The following SLC7A5 variants were observed in gnomAD, a reference collection of about 807,000 sequenced individuals.
SLC7A5 encodes the protein solute carrier family 7 member 5, also known as large neutral amino acids transporter small subunit 1.
A neutral mutation model predicts 50.2 loss-of-function variants in SLC7A5; 23 were observed. The ratio of observed to expected loss-of-function variants is 0.46; its 90% CI spans 0.33 to 0.65. SLC7A5 has a LOEUF of 0.65. SLC7A5 is among the 30% of genes least tolerant of loss of function. The probability of loss-of-function intolerance (pLI) is 0.02; values close to 1 mark genes in which losing one functional copy is unlikely to be tolerated. For synonymous variants in SLC7A5, 393 were observed against 330.6 expected, an observed-to-expected ratio of 1.19 and a Z score of -2.05; for missense variants, 578 against 684.4, an observed-to-expected ratio of 0.84 and a Z score of 1.73.
At chr16:87,866,049 C>G (rs113342377) in intron 1 of SLC7A5, among the ~76,000 whole-genome samples, 15 of 151,752 alleles carry the variant, frequency 9.9e-5, no homozygotes, top group African/African-American at 3.6e-4. Context: ...ACCCTTTTCC[C>G]ATTTGCACAA....
At chr16:87,857,607 A>C (rs529473725) in intron 1 of SLC7A5, among the ~76,000 whole-genome samples, 1 of 152,290 alleles carries the variant, frequency 6.6e-6, no homozygotes, top group East Asian at 1.9e-4. Context: ...ATAATGGCTC[A>C]ATTTTGATGC....
intron 6 of SLC7A5, 82 bp from the exon 7 acceptor site, chr16:87,838,023 G>T: frequency 9.0e-7 from 1 of 1,113,950 alleles, no homozygotes. Context: ...CTGGGGAGTG[G>T]CAGGGCCTGT....
At chr16:87,863,656 A>G (rs1395404199) in intron 1 of SLC7A5, 3 of 151,998 alleles carry the variant, frequency 2.0e-5, no homozygotes, top group African/African-American at 7.2e-5. Flanking sequence ...TCCTACCCAG[A>G]CTGACAAGCA....
intron 2 of SLC7A5, among the ~76,000 whole-genome samples, chr16:87,842,437 G>C (rs2055093320): frequency 6.6e-6 from 1 of 152,224 alleles, no homozygotes; most frequent in Admixed American, 6.5e-5. Flanking sequence ...CCCGTGAAGG[G>C]AGGTTCCCAT....
At chr16:87,863,986 A>AAAAAAAATAT (rs376938738) in intron 1 of SLC7A5, among the ~76,000 whole-genome samples, 6 of 83,276 alleles carry the variant, frequency 7.2e-5, no homozygotes, top group African/African-American at 2.3e-4. Flanking sequence ...ATCATTTAAA[A>AAAAAAAATAT]ATATATATAT....
rs552816413 is a variant in SLC7A5, at chr16:87,833,645, G to A, written c.1469-620C>T. Among the ~76,000 whole-genome samples, 2 of 124,010 alleles carry A rather than the reference G, an allele frequency of 1.6e-5. No homozygotes were observed. Among genetic ancestry groups the A allele is most frequent in the South Asian group, 4.2e-4 (2 of 4,796 alleles). 81.4% of individuals were successfully genotyped at this position (124,010 alleles called of 152,430 possible). ...TGATCAGAGTGTGGGGTAGGGGTGG[G>A]GGGTCTCCCTGCCTGTGTTGCTGCC... is the stretch of plus-strand genomic sequence containing the variant. On this transcript the variant is annotated intron_variant, in intron 9 of 9. Transcript: ENST00000261622. This position sits in a 1 kb window ranked among gnomAD's most constrained non-coding sequence, Gnocchi z 6.0.
chr16:87,836,071 G>A (rs1233245909), intron 8 of SLC7A5, among the ~76,000 whole-genome samples: 2 of 152,212 alleles, frequency 1.3e-5, no homozygotes, highest in South Asian at 2.1e-4. Context: ...CGCTGGGGAC[G>A]GGGAGAGTCC....
Position 87,853,322 on chromosome 16 carries a change from C to G in SLC7A5, c.539-1473G>C, listed in dbSNP as rs2055262889. Among the ~76,000 whole-genome samples, 1 of 152,232 alleles carries G rather than the reference C, an allele frequency of 6.6e-6. No individual in the cohort carries two copies. Among genetic ancestry groups the G allele is most frequent in the Non-Finnish European group, 1.5e-5 (1 of 68,044 alleles). On this transcript the variant is annotated intron_variant, in intron 1 of 9. Coordinates refer to ENST00000261622, the MANE Select transcript of SLC7A5 (RefSeq NM_003486.7). This position sits in a 1 kb window ranked among gnomAD's most constrained non-coding sequence, Gnocchi z 4.4. ...GCCTGCCTATCTCTCAGAAATTAAC[C>G]ACCCCGCTACAATTCTGTGGATGCC...
intron 1 of SLC7A5, among the ~76,000 whole-genome samples, chr16:87,868,202 A>C (rs1299163122): frequency 1.3e-5 from 2 of 152,108 alleles, no homozygotes; most frequent in African/African-American, 4.8e-5. Context: ...ACACACCAGC[A>C]CCATGCCCAC....
intron 4 of SLC7A5, among the ~76,000 whole-genome samples, 189 bp from the exon 5 acceptor site, chr16:87,840,014 C>A: frequency 6.6e-6 from 1 of 152,238 alleles, no homozygotes; most frequent in Non-Finnish European, 1.5e-5. Flanking sequence ...CGGGACACTG[C>A]ACAGCCCTGG....
chr16:87,846,958 G>A (rs576385243), intron 2 of SLC7A5, among the ~76,000 whole-genome samples: 6 of 152,238 alleles, frequency 3.9e-5, no homozygotes, highest in South Asian at 4.1e-4. Context: ...CACCCTGGCC[G>A]GGGGGCGGCA....
At chr16:87,842,912 T>C (rs566138568) in intron 2 of SLC7A5, among the ~76,000 whole-genome samples, 12 of 152,300 alleles carry the variant, frequency 7.9e-5, no homozygotes, top group African/African-American at 2.9e-4. Context: ...TCTGATGGAA[T>C]GTTCTGGAAT....
chr16:87,867,910 TC>T (rs1727600329), intron 1 of SLC7A5, among the ~76,000 whole-genome samples: 1 of 151,864 alleles, frequency 6.6e-6, no homozygotes, highest in Non-Finnish European at 1.5e-5. Flanking sequence ...GGTCAGGAGA[TC>T]GAGACCATCC....
chr16:87,834,266 G>C, intron 9 of SLC7A5, 148 bp downstream of exon 9: 1 of 750,160 alleles, frequency 1.3e-6, no homozygotes, highest in Non-Finnish European at 2.4e-6. Flanking sequence ...TGTGGGCTGC[G>C]TGTCACTGGC....
Position 87,838,812 on chromosome 16 carries a change from G to A in SLC7A5, c.945C>T (p.Phe315=), listed in dbSNP as rs192636410. Residue 315 remains phenylalanine (F), a synonymous_variant, in exon 6 of 10, where the codon TTC becomes TTT. Coordinates refer to ENST00000261622, the MANE Select transcript of SLC7A5 (RefSeq NM_003486.7). ...ACATGACGCCCAGGTGATAGTTCCC[G>A]AAGTCCTAGGCAGGCACAACCAGTG... is the stretch of plus-strand genomic sequence containing the variant. The part of the protein sequence containing the change: ...MLSSEAVAVD[F]GNYHLGVMSW... 73 of 1,613,536 alleles carry A rather than the reference G, an allele frequency of 4.5e-5. No individual in the cohort carries two copies. In the East Asian group the frequency reaches 7.4e-4, roughly 16 times the overall value.
In SLC7A5 at chr16:87,869,072, G is replaced by A. The variant is rs2055498870; in HGVS notation, c.351C>T (p.Tyr117=). 1 of 1,611,884 alleles carries A rather than the reference G, an allele frequency of 6.2e-7. No homozygotes were observed. Among genetic ancestry groups the A allele is most frequent in the East Asian group, 2.2e-5 (1 of 44,872 alleles). ...AGCCGTAGACCTCCAGCATGTAGGC[G>A]TAGTCGCCGCCCGATTTGGAGATGG... ...GTTISKSGGD[Y]AYMLEVYGSL... is the part of the protein sequence containing the mutation. The change falls in exon 1 of 10, where the codon TAC becomes TAT. Residue 117 remains tyrosine (Y), a synonymous_variant. Coordinates refer to ENST00000261622, the MANE Select transcript of SLC7A5 (RefSeq NM_003486.7).
chr16:87,845,268 A>G lies in SLC7A5; in HGVS notation c.665-4113T>C, dbSNP rs193246940. 2.9e-3 allele frequency among the ~76,000 whole-genome samples: 449 copies of G among 152,324 alleles called. 1 individual carries two copies. Among genetic ancestry groups the G allele is most frequent in the African/African-American group, 0.01 (428 of 41,558 alleles). On this transcript the variant is annotated intron_variant, in intron 2 of 9. Coordinates refer to ENST00000261622, the MANE Select transcript of SLC7A5 (RefSeq NM_003486.7). ...CACCCCACTTCTCAGTCACCAGCCG[A>G]GTGCACAGCCAATGGCACCTCATCT...
At chr16:87,847,616 C>T (rs1326461845) in intron 2 of SLC7A5, among the ~76,000 whole-genome samples, 1 of 152,184 alleles carries the variant, frequency 6.6e-6, no homozygotes, top group Admixed American at 6.5e-5. Flanking sequence ...GTGAACCTCC[C>T]AAGAGCAGAT....
At chr16:87,840,561 G>A (rs1311682177) in intron 3 of SLC7A5, 88 bp from the exon 4 acceptor site, 10 of 1,163,856 alleles carry the variant, frequency 8.6e-6, no homozygotes, top group Non-Finnish European at 1.3e-5. Flanking sequence ...GGCAGCTGGT[G>A]AGCCTGCCCC....
Sources: gnomAD v4.1 joint callset for allele counts (sites outside exome capture counted in the v4.1 genomes callset) on GRCh38, gnomAD v4.1.1 for gene constraint, Gnocchi (gnomAD v3.1) non-coding constraint, MANE v1.5 for transcripts, NCBI Gene and HGNC (gene_info 2026-07-23, HGNC 2026-07-21) for gene names.